The following MEGF11 variants were observed in gnomAD, a reference collection of about 807,000 sequenced individuals.
MEGF11 encodes multiple epidermal growth factor-like domains protein 11.
In MEGF11, 126 loss-of-function variants were observed where a neutral mutation model predicts 146.6. The ratio of observed to expected loss-of-function variants is 0.86; its 90% CI spans 0.74 to 1.00. The LOEUF (loss-of-function observed/expected upper bound fraction) is 1.00. MEGF11 is among the 50% of genes least tolerant of loss of function. MEGF11 has a pLI of 0.00. For synonymous variants in MEGF11, 532 were observed against 583.4 expected (o/e 0.91, Z 1.27); for missense variants, 1,509 against 1,521.2 (o/e 0.99, Z 0.13).
chr15:66,148,687 A>T (rs2089458761), intron 1 of MEGF11, among the ~76,000 whole-genome samples: 3 of 152,186 alleles, frequency 2.0e-5, no homozygotes, highest in African/African-American at 7.2e-5. Flanking sequence ...CAGCCTGGGC[A>T]GTCTCTCCAC....
intron 24 of MEGF11, among the ~76,000 whole-genome samples, chr15:65,900,443 T>A (rs1187346055): frequency 6.6e-6 from 1 of 152,238 alleles, no homozygotes; most frequent in Non-Finnish European, 1.5e-5. Context: ...TTATCTCCCA[T>A]AAAAGGCAAC....
chr15:66,111,567 C>A (rs562114751), intron 4 of MEGF11, among the ~76,000 whole-genome samples: 20 of 152,358 alleles, frequency 1.3e-4, no homozygotes, highest in African/African-American at 4.1e-4. Context: ...CACCACCCCC[C>A]ACCCCCAGCG....
At chr15:65,931,073 C>T in intron 10 of MEGF11, 130 bp from the exon 11 acceptor site, 1 of 1,141,180 alleles carries the variant, frequency 8.8e-7, no homozygotes, top group Non-Finnish European at 1.2e-6. Flanking sequence ...GAATATGTTA[C>T]CTTACATGGC....
At chr15:65,967,181 C>T (rs1034401008) in intron 8 of MEGF11, 11 of 152,158 alleles carry the variant, frequency 7.2e-5, no homozygotes, top group African/African-American at 9.7e-5. Flanking sequence ...TTTAGAAAGG[C>T]GCCCAGACCA....
intron 1 of MEGF11, among the ~76,000 whole-genome samples, chr15:66,190,694 C>T (rs2090845026): frequency 6.6e-6 from 1 of 152,104 alleles, no homozygotes; most frequent in Admixed American, 6.5e-5. Flanking sequence ...CACTGAATCT[C>T]GGGACACACA....
intron 1 of MEGF11, among the ~76,000 whole-genome samples, chr15:66,130,182 G>C (rs1287137075): frequency 2.6e-5 from 4 of 152,226 alleles, no homozygotes; most frequent in Admixed American, 2.0e-4. Flanking sequence ...CTAGAGCAGA[G>C]AAAGAGCCTG....
In MEGF11 at chr15:65,897,795, T is replaced by G. The variant is rs970248153; in HGVS notation, c.*139A>C. 2.4e-6 allele frequency: 2 copies of G among 816,960 alleles called. No homozygotes were observed. Among genetic ancestry groups the G allele is most frequent in the Non-Finnish European group, 3.7e-6 (2 of 539,776 alleles). 50.6% of individuals were successfully genotyped at this position (816,960 alleles called of 1,614,324 possible). On this transcript the variant is annotated 3_prime_UTR_variant, in exon 26 of 26. Transcript: ENST00000395614. ...AATTATCCCAGTCCCACCTGGACGC[T>G]CTTCTTTAGTTCCAGGTGAACGTAA... is the stretch of plus-strand genomic sequence containing the variant.
At chr15:66,150,866 G>GAGAGAGAGAGAGAGAT (rs567593084) in intron 1 of MEGF11, among the ~76,000 whole-genome samples, 1 of 122,398 alleles carries the variant, frequency 8.2e-6, no homozygotes, top group Non-Finnish European at 1.7e-5. Context: ...GAGAGAGAGA[G>GAGAGAGAGAGAGAGAT]AGAGGAAAGA....
At chr15:66,088,795 A>G (rs1168094843) in intron 5 of MEGF11, among the ~76,000 whole-genome samples, 1 of 152,200 alleles carries the variant, frequency 6.6e-6, no homozygotes, top group Non-Finnish European at 1.5e-5. Context: ...AGTCAAATTC[A>G]TAGAGACAGA....
At chr15:66,080,198 C>T (rs2085788799) in intron 5 of MEGF11, among the ~76,000 whole-genome samples, 1 of 152,210 alleles carries the variant, frequency 6.6e-6, no homozygotes, top group South Asian at 2.1e-4. Context: ...CTCATGGTCT[C>T]TTTCAGGCTT....
intron 10 of MEGF11, among the ~76,000 whole-genome samples, chr15:65,949,449 C>G (rs1428342129): frequency 6.6e-6 from 1 of 152,210 alleles, no homozygotes; most frequent in East Asian, 1.9e-4. Context: ...CCCTCGCCAG[C>G]ATGCAGGGTT....
At chr15:66,172,010 T>C (rs1042922935) in intron 1 of MEGF11, among the ~76,000 whole-genome samples, 5 of 152,170 alleles carry the variant, frequency 3.3e-5, no homozygotes, top group African/African-American at 1.2e-4. Context: ...CACTGATTGG[T>C]AAAGCCCCGG....
At chr15:66,224,122 C>T (rs2091795859) in intron 1 of MEGF11, among the ~76,000 whole-genome samples, 1 of 152,220 alleles carries the variant, frequency 6.6e-6, no homozygotes, top group African/African-American at 2.4e-5. Context: ...AACCAGACCA[C>T]TTAGCATTAA....
intron 5 of MEGF11, among the ~76,000 whole-genome samples, chr15:66,048,226 A>G (rs978918517): frequency 5.3e-5 from 8 of 152,198 alleles, no homozygotes; most frequent in African/African-American, 1.2e-4. Context: ...GATTACAGGC[A>G]TGAGGCACCG....
chr15:66,092,993 A>C (rs930079834), intron 5 of MEGF11, among the ~76,000 whole-genome samples: 1 of 152,228 alleles, frequency 6.6e-6, no homozygotes, highest in Non-Finnish European at 1.5e-5. Flanking sequence ...GCTCAAGTCC[A>C]CAGAAAGACT....
chr15:66,100,715 T>G (rs189864971), intron 4 of MEGF11, among the ~76,000 whole-genome samples: 34 of 152,250 alleles, frequency 2.2e-4, no homozygotes, highest in Non-Finnish European at 1.9e-4. Flanking sequence ...CCAAAGCATT[T>G]ATTAAGCACC....
intron 20 of MEGF11, among the ~76,000 whole-genome samples, chr15:65,913,266 G>A (rs915598299): frequency 6.6e-6 from 1 of 152,078 alleles, no homozygotes; most frequent in Admixed American, 6.5e-5. Context: ...GTCCCCTTCC[G>A]CTGTACTAAT....
intron 5 of MEGF11, among the ~76,000 whole-genome samples, chr15:66,005,794 C>A (rs188657971): frequency 4.6e-5 from 7 of 152,292 alleles, no homozygotes; most frequent in Admixed American, 3.9e-4. Flanking sequence ...GTATAAAGTG[C>A]TAGCAGGCTG....
chr15:66,017,312 A>G (rs1175396367), intron 5 of MEGF11, among the ~76,000 whole-genome samples: 1 of 152,190 alleles, frequency 6.6e-6, no homozygotes, highest in Non-Finnish European at 1.5e-5. Flanking sequence ...AATGATGGTG[A>G]CAATAGGGAC....
Sources: allele counts gnomAD v4.1 joint callset (sites outside exome capture counted in the v4.1 genomes callset), GRCh38; gene constraint gnomAD v4.1.1; transcripts MANE v1.5; gene names NCBI Gene and HGNC (gene_info 2026-07-23, HGNC 2026-07-21).